Variants in EMSY observed in about 807,000 individuals in gnomAD.
EMSY encodes the protein EMSY transcriptional repressor, BRCA2 interacting, also known as BRCA2-interacting transcriptional repressor EMSY.
A neutral mutation model predicts 134.6 loss-of-function variants in EMSY; 26 were observed. The ratio of observed to expected loss-of-function variants is 0.19; its 90% CI spans 0.14 to 0.27. The LOEUF is 0.27. EMSY is among the 10% of genes least tolerant of loss of function. The pLI is 1.00. For synonymous variants in EMSY, 579 were observed against 577.8 expected (o/e 1.00, Z -0.03); for missense variants, 1,305 against 1,611.4 (o/e 0.81, Z 3.26).
At chr11:76,550,095 G>A (rs376122763) in exon 21 of EMSY, 10 of 1,613,538 alleles carry the variant, frequency 6.2e-6, no homozygotes, top group African/African-American at 5.3e-5. Context: ...ACAGTAGCAC[G>A]GAGGATGGAA....
At chr11:76,445,942 G>A (rs1179998560) in intron 1 of EMSY, among the ~76,000 whole-genome samples, 2 of 152,162 alleles carry the variant, frequency 1.3e-5, no homozygotes, top group East Asian at 1.9e-4. Context: ...AGTAGGGGGA[G>A]GGGGGCTCAC....
intron 8 of EMSY, among the ~76,000 whole-genome samples, chr11:76,488,841 G>A (rs2135645847): frequency 6.6e-6 from 1 of 152,316 alleles, no homozygotes; most frequent in African/African-American, 2.4e-5. Context: ...TCCTGGGCAA[G>A]TTGAGTACAT....
chr11:76,464,114 GT>G (rs1482445822), intron 7 of EMSY, 34 bp downstream of exon 8: 1 of 1,611,636 alleles, frequency 6.2e-7, no homozygotes, highest in Admixed American at 1.7e-5. Context: ...CCTGCCAATT[GT>G]TTCTTTCAGA....
intron 2 of EMSY, among the ~76,000 whole-genome samples, chr11:76,447,857 T>C (rs1947484222): frequency 6.6e-6 from 1 of 152,216 alleles, no homozygotes; most frequent in South Asian, 2.1e-4. Flanking sequence ...AGTCTCTGGC[T>C]AGCACAATAA....
chr11:76,495,994 T>A (rs1949639097), intron 8 of EMSY, among the ~76,000 whole-genome samples: 1 of 152,154 alleles, frequency 6.6e-6, no homozygotes, highest in Non-Finnish European at 1.5e-5. Flanking sequence ...AGTTCATTTT[T>A]AAAATCTGAG....
chr11:76,456,998 G>A (rs1449806823), intron 4 of EMSY, among the ~76,000 whole-genome samples: 4 of 152,104 alleles, frequency 2.6e-5, no homozygotes. Context: ...CCTTAGGCAA[G>A]TTATTTGATA....
chr11:76,539,170 C>A (rs1057426962), intron 16 of EMSY, among the ~76,000 whole-genome samples: 4 of 152,088 alleles, frequency 2.6e-5, no homozygotes, highest in Non-Finnish European at 2.9e-5. Flanking sequence ...CTCTTTTGAA[C>A]ACTTTATTAC....
intron 4 of EMSY, among the ~76,000 whole-genome samples, chr11:76,457,146 C>T (rs1328082733): frequency 2.0e-5 from 3 of 152,064 alleles, no homozygotes; most frequent in African/African-American, 4.8e-5. Flanking sequence ...TCATTACTAT[C>T]ATTATTAGCA....
intron 13 of EMSY, among the ~76,000 whole-genome samples, 156 bp from the exon 15 acceptor site, chr11:76,528,112 A>T (rs1413463292): frequency 6.6e-6 from 1 of 152,206 alleles, no homozygotes; most frequent in Non-Finnish European, 1.5e-5. Context: ...TTGTCTGTAG[A>T]TTGAATTACC....
chr11:76,527,164 T>A (rs1950874157), intron 13 of EMSY, among the ~76,000 whole-genome samples: 1 of 152,156 alleles, frequency 6.6e-6, no homozygotes, highest in South Asian at 2.1e-4. Flanking sequence ...TAGGCTACTG[T>A]TTATTTTGTA....
At chr11:76,542,592 A>G (rs1842129565) in intron 18 of EMSY, among the ~76,000 whole-genome samples, 1 of 152,334 alleles carries the variant, frequency 6.6e-6, no homozygotes, top group Non-Finnish European at 1.5e-5. Flanking sequence ...CAAAAGGGTG[A>G]GAATGTCTAG....
At chr11:76,497,680 C>T (rs1267318295) in intron 9 of EMSY, among the ~76,000 whole-genome samples, 3 of 151,832 alleles carry the variant, frequency 2.0e-5, no homozygotes, top group African/African-American at 7.3e-5. Context: ...GCTATAGGAT[C>T]GATATTAATG....
intron 11 of EMSY, among the ~76,000 whole-genome samples, chr11:76,521,765 TAAAA>T (rs757237301): frequency 7.9e-6 from 1 of 127,028 alleles, no homozygotes; most frequent in African/African-American, 2.9e-5. Context: ...CTGTTTCTCT[TAAAA>T]AAAAAAAAAA....
Position 76,546,372 on chromosome 11 carries a change from G to A in EMSY, c.3774+75G>A. The stretch of plus-strand genomic sequence containing the variant: ...GGTTTGTTTGATATGTTTTTGACTT[G>A]TCACAGGAAGAATCAAGCCAAGACA... On this transcript the variant is annotated intron_variant, in intron 20 of 20. Coordinates refer to ENST00000334736, the Ensembl canonical transcript of EMSY. 6 of 1,500,536 alleles carry A rather than the reference G, an allele frequency of 4.0e-6. No homozygotes were observed. In the Admixed American group the frequency reaches 1.3e-4, roughly 32 times the overall value. The allele number at this position is 1,500,536 out of a possible 1,614,324, so 93.0% of individuals were successfully genotyped here. A position where few individuals can be genotyped will look rare whatever the true frequency, so the allele number is the denominator to read the frequency against.
chr11:76,496,888 G>C (rs1270943464), intron 9 of EMSY: 1 of 296,182 alleles, frequency 3.4e-6, no homozygotes, highest in Non-Finnish European at 6.4e-6. Flanking sequence ...TTTCTTTTTG[G>C]TGTTTTATTT....
intron 8 of EMSY, among the ~76,000 whole-genome samples, chr11:76,479,884 CTCATG>C (rs1948903131): frequency 6.6e-6 from 1 of 152,178 alleles, no homozygotes; most frequent in Non-Finnish European, 1.5e-5. Context: ...TTGGAGTGAA[CTCATG>C]TCACTTAATG....
At position 76,472,944 on chromosome 11, in the gene EMSY, A is replaced by G. The variant is rs2135368668; in HGVS notation, c.1108+104A>G. On this transcript the variant is annotated intron_variant, in intron 8 of 20. Coordinates refer to ENST00000334736, the Ensembl canonical transcript of EMSY. The stretch of plus-strand genomic sequence containing the variant: ...TGCTTTGGATATGAAGGTCCCTACT[A>G]TTAGACCCAAGATCACCACCCCGTG... The G allele has an allele frequency of 4.8e-6, 6 of 1,250,242 alleles. No individual in the cohort carries two copies. The South Asian group carries it at 5.7e-5, about 12-fold the overall frequency. The allele number at this position is 1,250,242 out of a possible 1,614,324, so 77.4% of individuals were successfully genotyped here. A position where few individuals can be genotyped will look rare whatever the true frequency, so the allele number is the denominator to read the frequency against.
intron 4 of EMSY, among the ~76,000 whole-genome samples, chr11:76,457,800 A>C (rs1158965827): frequency 6.6e-6 from 1 of 152,232 alleles, no homozygotes; most frequent in Non-Finnish European, 1.5e-5. Context: ...TAAAATTATA[A>C]GTGCTTTTTA....
intron 12 of EMSY, among the ~76,000 whole-genome samples, chr11:76,523,909 A>G (rs11236774): frequency 0.91 from 138,237 of 151,672 alleles, 63,743 homozygotes; most frequent in South Asian, 0.98. Flanking sequence ...ACTTAACCAG[A>G]TGTAGTAGCA....
Sources: gnomAD v4.1 joint callset for allele counts (sites outside exome capture counted in the v4.1 genomes callset) on GRCh38, gnomAD v4.1.1 for gene constraint, MANE v1.5 for transcripts, NCBI Gene and HGNC (gene_info 2026-07-23, HGNC 2026-07-21) for gene names.